Variants in LIN7A observed in about 807,000 individuals in gnomAD.
LIN7A encodes lin-7 cell polarity scaffold A, also known as protein lin-7 homolog A.
Under a neutral mutation model 29.8 loss-of-function variants are expected in LIN7A, and 25 were observed. The observed-to-expected ratio is 0.84, with a 90% CI of 0.61 to 1.17. The LOEUF (loss-of-function observed/expected upper bound fraction) is 1.17, where lower values mean the gene tolerates loss of function less well. LIN7A is among the 50% of genes most tolerant of loss of function. The pLI, the probability that LIN7A is intolerant of heterozygous loss-of-function variation, is 0.00. For missense variants in LIN7A, 239 were observed against 287.0 expected (o/e 0.83, Z 1.21); for synonymous variants, 118 against 107.5 (o/e 1.10, Z -0.60).
At chr12:80,841,411 G>A (rs1872817594) in intron 4 of LIN7A, among the ~76,000 whole-genome samples, 1 of 147,242 alleles carries the variant, frequency 6.8e-6, no homozygotes, top group South Asian at 2.4e-4. Context: ...AAGGAAGGAG[G>A]GAAAGAAAGT....
chr12:80,911,026 T>C (rs1876720326), intron 1 of LIN7A, among the ~76,000 whole-genome samples: 1 of 152,190 alleles, frequency 6.6e-6, no homozygotes, highest in African/African-American at 2.4e-5. Context: ...TTATTCTCTG[T>C]GAAAATATTT....
intron 1 of LIN7A, among the ~76,000 whole-genome samples, chr12:80,898,381 T>C (rs1876022088): frequency 6.6e-6 from 1 of 152,230 alleles, no homozygotes; most frequent in Non-Finnish European, 1.5e-5. Context: ...AGCCTTATAG[T>C]ATAGTTTGAA....
intron 4 of LIN7A, chr12:80,832,537 C>A: frequency 2.1e-6 from 1 of 482,202 alleles, no homozygotes; most frequent in East Asian, 6.5e-5. Flanking sequence ...CAGAATGCTC[C>A]TCATTTATTG....
intron 4 of LIN7A, among the ~76,000 whole-genome samples, chr12:80,813,598 T>C (rs564350142): frequency 6.6e-6 from 1 of 152,278 alleles, no homozygotes; most frequent in East Asian, 1.9e-4. Context: ...CAAAACAGTC[T>C]TTTGAACATC....
At chr12:80,881,907 C>T (rs1046627153) in intron 2 of LIN7A, among the ~76,000 whole-genome samples, 1 of 152,114 alleles carries the variant, frequency 6.6e-6, no homozygotes, top group Non-Finnish European at 1.5e-5. Flanking sequence ...AATTCTCTTG[C>T]CATTTATCCC....
intron 1 of LIN7A, among the ~76,000 whole-genome samples, chr12:80,916,900 TA>T (rs758241873): frequency 1.3e-5 from 2 of 152,264 alleles, no homozygotes; most frequent in South Asian, 4.2e-4. Context: ...AAATATTTGA[TA>T]AAAACCTACA....
chr12:80,914,328 A>G (rs766485616), intron 1 of LIN7A, among the ~76,000 whole-genome samples: 22 of 152,202 alleles, frequency 1.4e-4, no homozygotes, highest in Non-Finnish European at 2.8e-4. Context: ...TGTTTAACCC[A>G]GTGTTTGGGA....
At chr12:80,889,180 T>C (rs1304570414) in intron 2 of LIN7A, 71 bp downstream of exon 2, 3 of 834,996 alleles carry the variant, frequency 3.6e-6, no homozygotes, top group East Asian at 4.8e-5. Flanking sequence ...CAACTGTTTG[T>C]GTAGAGAAGA....
At chr12:80,844,552 A>G (rs1872969235) in intron 4 of LIN7A, among the ~76,000 whole-genome samples, 1 of 152,210 alleles carries the variant, frequency 6.6e-6, no homozygotes, top group Non-Finnish European at 1.5e-5. Context: ...AATAACTGAA[A>G]TCGAGTTTAT....
chr12:80,841,761 A>G, intron 4 of LIN7A: 1 of 364,252 alleles, frequency 2.7e-6, no homozygotes, highest in Non-Finnish European at 3.8e-6. Flanking sequence ...CTGGCTCCAC[A>G]TTGGCTGCAA....
intron 2 of LIN7A, among the ~76,000 whole-genome samples, chr12:80,882,222 T>C (rs1442664425): frequency 6.6e-6 from 1 of 151,410 alleles, no homozygotes; most frequent in African/African-American, 2.4e-5. Flanking sequence ...AATATTCTTT[T>C]GGATTTTTAC....
At chr12:80,837,150 T>A (rs1354340470) in intron 4 of LIN7A, among the ~76,000 whole-genome samples, 2 of 152,152 alleles carry the variant, frequency 1.3e-5, no homozygotes, top group Admixed American at 1.3e-4. Flanking sequence ...AACGTGCCCA[T>A]GCTCTGTGGA....
At chr12:80,891,067 C>T (rs920078924) in intron 1 of LIN7A, among the ~76,000 whole-genome samples, 6 of 152,108 alleles carry the variant, frequency 3.9e-5, no homozygotes, top group African/African-American at 1.4e-4. Flanking sequence ...TGGTGTTTTT[C>T]ACACTCCCCT....
intron 1 of LIN7A, among the ~76,000 whole-genome samples, chr12:80,906,051 T>C (rs1237536779): frequency 6.6e-6 from 1 of 152,160 alleles, no homozygotes; most frequent in Non-Finnish European, 1.5e-5. Context: ...TATTTGTACT[T>C]AAAGATTTAG....
At chr12:80,828,373 A>G (rs1016266824) in intron 4 of LIN7A, among the ~76,000 whole-genome samples, 5 of 152,180 alleles carry the variant, frequency 3.3e-5, no homozygotes, top group South Asian at 2.1e-4. Context: ...TGCACCATAT[A>G]TAGAATATTA....
intron 4 of LIN7A, among the ~76,000 whole-genome samples, chr12:80,836,973 G>C (rs767659488): frequency 1.1e-4 from 17 of 152,028 alleles, no homozygotes; most frequent in Non-Finnish European, 2.1e-4. Context: ...AGGCAAGATG[G>C]GGGGCGGGGA....
intron 1 of LIN7A, among the ~76,000 whole-genome samples, chr12:80,897,636 T>G (rs1875976435): frequency 6.6e-6 from 1 of 151,858 alleles, no homozygotes; most frequent in East Asian, 1.9e-4. Flanking sequence ...CAAAACCCCA[T>G]CTCTACTAAA....
chr12:80,908,812 C>A (rs1341064720), intron 1 of LIN7A, among the ~76,000 whole-genome samples: 1 of 151,060 alleles, frequency 6.6e-6, no homozygotes, highest in Non-Finnish European at 1.5e-5. Flanking sequence ...CTATACAAAT[C>A]TTTTATTCGT....
At chr12:80,859,669 T>G (rs1873768482) in intron 2 of LIN7A, among the ~76,000 whole-genome samples, 1 of 152,148 alleles carries the variant, frequency 6.6e-6, no homozygotes, top group African/African-American at 2.4e-5. Flanking sequence ...CCTTTTTAAA[T>G]GGATTATATT....
Sources: allele counts gnomAD v4.1 joint callset (sites outside exome capture counted in the v4.1 genomes callset), GRCh38; gene constraint gnomAD v4.1.1; transcripts MANE v1.5; gene names NCBI Gene and HGNC (gene_info 2026-07-23, HGNC 2026-07-21).